Variants in ZNF81 observed in about 807,000 individuals in gnomAD.
ZNF81 encodes zinc finger protein 81, also known as zinc finger protein 81 (HFZ20).
In ZNF81, 5 loss-of-function variants were observed where a neutral mutation model predicts 32.3. The observed-to-expected ratio is 0.15, with a 90% CI of 0.08 to 0.33. The LOEUF (loss-of-function observed/expected upper bound fraction) is 0.33. Ranked by LOEUF, ZNF81 falls within the 10% of genes least tolerant of loss-of-function variation. The probability of loss-of-function intolerance (pLI) is 1.00; values close to 1 mark genes in which losing one functional copy is unlikely to be tolerated. For missense variants in ZNF81, 379 were observed against 479.8 expected (o/e 0.79, Z 1.96); for synonymous variants, 163 against 166.8 (o/e 0.98, Z 0.17).
In ZNF81 at chrX:47,915,101, G is replaced by A. The variant is rs181393507; in HGVS notation, c.455G>A (p.Arg152His). The A allele has an allele frequency of 1.9e-4, 235 of 1,205,792 alleles. No individual in the cohort carries two copies. The highest frequency in any genetic ancestry group is 2.5e-4 in the Non-Finnish European group (219 of 893,723). ...CQEKHNKLLS[R>H]TTFLNKKILN... ...GAAAAACACAACAAACTTCTGAGTC[G>A]CACTACTTTCCTCAATAAGAAAATA... The change falls in exon 5 of 5, where the codon CGC (arginine) becomes CAC (histidine). Residue 152 changes from arginine (R) to histidine (H), a missense_variant. Arg to His is a conservative substitution (Grantham distance 29). Transcript: ENST00000338637.
At chrX:47,887,875 GTATT>G in intron 2 of ZNF81, 120 bp from the exon 3 acceptor site, 1 of 764,242 alleles carries the variant, frequency 1.3e-6, no homozygotes, top group East Asian at 3.4e-5. Flanking sequence ...TATAAACTAA[GTATT>G]TAATGGGCAT....
chrX:47,850,924 CACACACACACAA>C (rs1556881145), intron 2 of ZNF81, among the ~76,000 whole-genome samples: 499 of 48,854 alleles, frequency 0.01, 13 homozygotes, highest in East Asian at 0.035. Context: ...CACACACACA[CACACACACACAA>C]CCCAACACCC....
intron 2 of ZNF81, among the ~76,000 whole-genome samples, chrX:47,869,850 T>G (rs1460510659): frequency 1.8e-5 from 2 of 110,366 alleles, no homozygotes; most frequent in African/African-American, 6.6e-5. Flanking sequence ...TGTGCACCAC[T>G]GCACCCGGCT....
chrX:47,894,832 T>C (rs1488551814), intron 3 of ZNF81, among the ~76,000 whole-genome samples: 3 of 111,928 alleles, frequency 2.7e-5, no homozygotes, highest in Non-Finnish European at 5.6e-5. Context: ...ATCTATCCTA[T>C]ACCTGTCCCA....
Position 47,915,362 on chromosome X carries a change from C to T in ZNF81, c.716C>T (p.Thr239Ile). Residue 239 changes from threonine (T) to isoleucine (I), a missense_variant, in exon 5 of 5, where the codon ACA becomes ATA. Thr to Ile is a moderately conservative substitution (Grantham distance 89, BLOSUM62 -1). This residue lies in a region of ZNF81 where 277 missense variants were observed against 306.6 expected (regional missense o/e 0.90). Coordinates refer to ENST00000338637, the MANE Select transcript of ZNF81 (RefSeq NM_007137.5). ...TCTTCTTATAGTCACCACGAAAATA[C>T]ACATACAGGAGTGAAGTTCTGTGAA... ...QNSSYSHHEN[T>I]HTGVKFCERN... 1.7e-6 allele frequency: 2 copies of T among 1,211,642 alleles called. No homozygotes were observed. Among genetic ancestry groups the T allele is most frequent in the Non-Finnish European group, 2.2e-6 (2 of 895,416 alleles).
rs2058772652 is a variant in ZNF81 at position 47,920,475 on chromosome X, A to G, written c.*3843A>G. 2 of 110,266 alleles carry G rather than the reference A, an allele frequency of 1.8e-5. No individual in the cohort carries two copies. Among genetic ancestry groups the G allele is most frequent in the Admixed American group, 9.7e-5 (1 of 10,322 alleles). 9.1% of individuals were successfully genotyped at this position (110,266 alleles called of 1,213,427 possible). A position where few individuals can be genotyped will look rare whatever the true frequency, so the allele number is the denominator to read the frequency against. On this transcript the variant is annotated 3_prime_UTR_variant, in exon 5 of 5. Coordinates refer to ENST00000338637, the MANE Select transcript of ZNF81 (RefSeq NM_007137.5). ...CTCTTCCACTGGTAGAAGGCCTTTA[A>G]TGATCTGGGCCCAGGATGATTTCCT...
chrX:47,916,788 C>A lies in ZNF81; in HGVS notation c.*156C>A. 1.9e-6 allele frequency: 1 copy of A among 535,544 alleles called. No homozygotes were observed. Among genetic ancestry groups the A allele is most frequent in the Non-Finnish European group, 2.7e-6 (1 of 363,736 alleles). 44.1% of individuals were successfully genotyped at this position (535,544 alleles called of 1,213,427 possible). On this transcript the variant is annotated 3_prime_UTR_variant, in exon 5 of 5. Coordinates refer to ENST00000338637, the MANE Select transcript of ZNF81 (RefSeq NM_007137.5). ...TCACTTGAGATGGAAAAAAATTATT[C>A]AGAAGAAACTCTCTTAAAAATGCAT...
chrX:47,906,868 C>G (rs1220665429), intron 4 of ZNF81, among the ~76,000 whole-genome samples: 3 of 112,579 alleles, frequency 2.7e-5, no homozygotes, highest in Non-Finnish European at 5.6e-5. Context: ...GCTCATAGCA[C>G]TTTAATTTGG....
At chrX:47,867,459 C>G (rs933407289) in intron 2 of ZNF81, among the ~76,000 whole-genome samples, 4 of 111,662 alleles carry the variant, frequency 3.6e-5, no homozygotes, top group Non-Finnish European at 7.5e-5. Flanking sequence ...TATGATTTCC[C>G]CTTCTTTTAT....
intron 1 of ZNF81, among the ~76,000 whole-genome samples, chrX:47,838,238 A>G (rs1160183189): frequency 8.9e-6 from 1 of 111,814 alleles, no homozygotes; most frequent in African/African-American, 3.3e-5. Context: ...GATTTTCTGC[A>G]TGAGCAATCA....
At chrX:47,843,470 T>C (rs1447999059) in intron 1 of ZNF81, among the ~76,000 whole-genome samples, 2 of 53,443 alleles carry the variant, frequency 3.7e-5, no homozygotes, top group Non-Finnish European at 8.5e-5. Flanking sequence ...CACACATTCT[T>C]GACTCCTTTA....
chrX:47,859,092 C>CAA (rs1166917817), intron 2 of ZNF81, among the ~76,000 whole-genome samples: 1 of 69,867 alleles, frequency 1.4e-5, no homozygotes, highest in Non-Finnish European at 2.8e-5. Flanking sequence ...AACTCCGTCT[C>CAA]AAAAAAAAAA....
chrX:47,918,870 C>G lies in ZNF81; in HGVS notation c.*2238C>G, dbSNP rs2058766253. The stretch of plus-strand genomic sequence containing the variant: ...TTTCAGAATCGTTATGGAACAGTGA[C>G]TGATATGTGCCTCATGGTCCTCCTC... On this transcript the variant is annotated 3_prime_UTR_variant, in exon 5 of 5. Transcript: ENST00000338637. 7.3e-6 allele frequency: 1 copy of G among 136,313 alleles called. No homozygotes were observed. Among genetic ancestry groups the G allele is most frequent in the African/African-American group, 3.2e-5 (1 of 31,551 alleles). 11.2% of individuals were successfully genotyped at this position (136,313 alleles called of 1,213,427 possible). A position where few individuals can be genotyped will look rare whatever the true frequency, so the allele number is the denominator to read the frequency against.
chrX:47,898,097 A>T (rs1370486952), intron 4 of ZNF81, among the ~76,000 whole-genome samples: 2 of 111,459 alleles, frequency 1.8e-5, no homozygotes, highest in Admixed American at 1.9e-4. Context: ...GAAGGAATGG[A>T]CTAGGCAAGG....
intron 2 of ZNF81, among the ~76,000 whole-genome samples, chrX:47,848,211 G>A (rs1402405368): frequency 8.9e-6 from 1 of 111,803 alleles, no homozygotes; most frequent in Non-Finnish European, 1.9e-5. Context: ...CACCATGCCC[G>A]GCCTAGAAAT....
chrX:47,884,575 A>G (rs1392489993), intron 2 of ZNF81, among the ~76,000 whole-genome samples: 1 of 111,948 alleles, frequency 8.9e-6, no homozygotes, highest in Admixed American at 9.5e-5. Flanking sequence ...TTAACTTACT[A>G]AGTTTTAGAG....
intron 2 of ZNF81, among the ~76,000 whole-genome samples, chrX:47,846,834 A>G (rs1475233776): frequency 9.0e-6 from 1 of 111,690 alleles, no homozygotes; most frequent in Non-Finnish European, 1.9e-5. Context: ...TTTTCTTTAC[A>G]CCCCTACTCA....
chrX:47,876,694 T>C (rs1377904762), intron 2 of ZNF81, among the ~76,000 whole-genome samples: 1 of 112,310 alleles, frequency 8.9e-6, no homozygotes, highest in African/African-American at 3.2e-5. Flanking sequence ...TGCAGTGTAT[T>C]GTTATAGTCA....
At chrX:47,876,832 A>G (rs1556884590) in intron 2 of ZNF81, among the ~76,000 whole-genome samples, 1 of 112,058 alleles carries the variant, frequency 8.9e-6, no homozygotes, top group Non-Finnish European at 1.9e-5. Flanking sequence ...GACATCTTAC[A>G]TATCTCATGA....
Sources: gnomAD v4.1 joint callset for allele counts (sites outside exome capture counted in the v4.1 genomes callset) on GRCh38, gnomAD v4.1.1 for gene constraint, gnomAD v4.1.1 regional missense constraint, MANE v1.5 for transcripts, NCBI Gene and HGNC (gene_info 2026-07-23, HGNC 2026-07-21) for gene names.